Variants in NEK11 observed in about 807,000 individuals in gnomAD.
The protein encoded by NEK11 is NIMA related kinase 11.
A neutral mutation model predicts 80.7 loss-of-function variants in NEK11; 72 were observed. That is an observed-to-expected ratio of 0.89 (90% CI 0.74 to 1.08). NEK11 has a LOEUF of 1.08. NEK11 is among the 50% of genes least tolerant of loss of function. NEK11 has a pLI of 0.00. For missense variants in NEK11, 764 were observed against 763.6 expected (o/e 1.00, Z -0.01); for synonymous variants, 251 against 260.7 (o/e 0.96, Z 0.36).
intron 3 of NEK11, among the ~76,000 whole-genome samples, chr3:131,055,014 A>G (rs1348451379): frequency 1.3e-5 from 2 of 152,128 alleles, no homozygotes; most frequent in Non-Finnish European, 2.9e-5. Flanking sequence ...GACTAGCCTC[A>G]GGCAAGCAAG....
At chr3:131,184,001 A>T (rs1389955993) in intron 14 of NEK11, among the ~76,000 whole-genome samples, 1 of 151,938 alleles carries the variant, frequency 6.6e-6, no homozygotes, top group Non-Finnish European at 1.5e-5. Context: ...GTCCCTAGGA[A>T]CTCCACGATT....
chr3:131,040,427 A>G (rs2066304730), intron 3 of NEK11, among the ~76,000 whole-genome samples: 2 of 152,324 alleles, frequency 1.3e-5, no homozygotes, highest in South Asian at 4.1e-4. Context: ...GGGTATATAC[A>G]TATATCAAAA....
In NEK11 at chr3:131,101,819, T is replaced by G; in HGVS notation, c.337-7984T>G. 1.3e-5 allele frequency among the ~76,000 whole-genome samples: 2 copies of G among 152,162 alleles called. 1 individual carries two copies. Among genetic ancestry groups the G allele is most frequent in the Admixed American group, 1.3e-4 (2 of 15,274 alleles). Reference sequence around the variant, plus strand: ...GGTATGTCTAATGCTGTCAGTGGGGTACTGAAGCCTCACTGTATTACTATG... The same window carrying G: ...GGTATGTCTAATGCTGTCAGTGGGGGACTGAAGCCTCACTGTATTACTATG... On this transcript the variant is annotated intron_variant, in intron 4 of 17. Transcript: ENST00000383366.
At chr3:131,287,194 A>G (rs1241213543) in intron 17 of NEK11, among the ~76,000 whole-genome samples, 1 of 152,210 alleles carries the variant, frequency 6.6e-6, no homozygotes, top group Non-Finnish European at 1.5e-5. Context: ...TGCCTCCAGA[A>G]CAAGAGGTAA....
chr3:131,120,506 C>G (rs544627094), intron 5 of NEK11, among the ~76,000 whole-genome samples: 1 of 151,990 alleles, frequency 6.6e-6, no homozygotes, highest in Non-Finnish European at 1.5e-5. Context: ...CTGTGTTTCC[C>G]GAATTTGAAT....
chr3:131,130,009 T>C (rs1355340994), intron 5 of NEK11, among the ~76,000 whole-genome samples: 1 of 152,232 alleles, frequency 6.6e-6, no homozygotes, highest in Non-Finnish European at 1.5e-5. Context: ...TTGCATCTAT[T>C]GATCAATTTG....
chr3:131,347,182 C>T (rs1561663674), intron 17 of NEK11, among the ~76,000 whole-genome samples: 1 of 152,154 alleles, frequency 6.6e-6, no homozygotes, highest in South Asian at 2.1e-4. Flanking sequence ...CTGGTTTCTC[C>T]AGCATCTGGT....
Position 131,036,066 on chromosome 3 carries a change from C to T in NEK11, c.170+6188C>T, listed in dbSNP as rs184695602. Among the ~76,000 whole-genome samples the T allele has an allele frequency of 1.1e-4, 17 of 152,334 alleles. No individual in the cohort carries two copies. The East Asian group carries it at 3.3e-3, about 29-fold the overall frequency. On this transcript the variant is annotated intron_variant, in intron 3 of 17. Coordinates refer to ENST00000383366, the MANE Select transcript of NEK11 (RefSeq NM_024800.5). Reference sequence around the variant, plus strand: ...CCTGCCATCCAACCTGTGGTCTTTTCTGTATGCACTGACAAATATTCAGTC... The same window carrying T: ...CCTGCCATCCAACCTGTGGTCTTTTTTGTATGCACTGACAAATATTCAGTC...
intron 11 of NEK11, among the ~76,000 whole-genome samples, chr3:131,164,125 A>G (rs1426437156): frequency 6.6e-6 from 1 of 152,212 alleles, no homozygotes; most frequent in African/African-American, 2.4e-5. Flanking sequence ...TTCCCGTAAC[A>G]TTTGCTTTCT....
chr3:131,265,808 C>A (rs1325373681), intron 16 of NEK11, among the ~76,000 whole-genome samples: 1 of 152,130 alleles, frequency 6.6e-6, no homozygotes, highest in Non-Finnish European at 1.5e-5. Context: ...CTTCTTTGTA[C>A]CTCTGGTAGA....
At chr3:131,040,348 C>G (rs906795756) in intron 3 of NEK11, among the ~76,000 whole-genome samples, 4 of 150,966 alleles carry the variant, frequency 2.6e-5, no homozygotes, top group South Asian at 2.1e-4. Context: ...AAACACTAAG[C>G]CTGATGAAAT....
chr3:131,123,009 T>G (rs1055267783), intron 5 of NEK11, among the ~76,000 whole-genome samples: 1 of 152,190 alleles, frequency 6.6e-6, no homozygotes, highest in Non-Finnish European at 1.5e-5. Flanking sequence ...GTGTTGAGCT[T>G]TTTAGAAGAA....
chr3:131,308,867 G>T (rs891641131), intron 17 of NEK11, among the ~76,000 whole-genome samples: 1 of 152,122 alleles, frequency 6.6e-6, no homozygotes, highest in African/African-American at 2.4e-5. Flanking sequence ...GTGGGGGATG[G>T]TTTCAGGATG....
chr3:131,255,079 G>GGAAGGAAA (rs754645626), intron 16 of NEK11, among the ~76,000 whole-genome samples: 8 of 119,278 alleles, frequency 6.7e-5, no homozygotes, highest in African/African-American at 2.3e-4. Flanking sequence ...ACAGAAAGAA[G>GGAAGGAAA]GAAAGAAAGA....
chr3:131,324,180 A>AT (rs2096930508), intron 17 of NEK11, among the ~76,000 whole-genome samples: 1 of 152,180 alleles, frequency 6.6e-6, no homozygotes, highest in African/African-American at 2.4e-5. Flanking sequence ...TGGATAGGAA[A>AT]TTACTAAGAG....
At chr3:131,311,393 C>A (rs533605540) in intron 17 of NEK11, among the ~76,000 whole-genome samples, 2 of 152,234 alleles carry the variant, frequency 1.3e-5, no homozygotes, top group Admixed American at 6.5e-5. Context: ...ATTAACCAAC[C>A]TTTGTTCACC....
chr3:131,110,898 A>G (rs1185564083), intron 5 of NEK11, among the ~76,000 whole-genome samples: 1 of 152,170 alleles, frequency 6.6e-6, no homozygotes, highest in Non-Finnish European at 1.5e-5. Context: ...CCTCATAACA[A>G]TCTGTTGGAT....
intron 17 of NEK11, among the ~76,000 whole-genome samples, chr3:131,320,116 A>T (rs562954219): frequency 1.3e-5 from 2 of 152,238 alleles, no homozygotes; most frequent in South Asian, 4.1e-4. Flanking sequence ...TCTTATCAAA[A>T]CTGTTTTACA....
intron 17 of NEK11, among the ~76,000 whole-genome samples, chr3:131,333,729 T>G (rs1295537400): frequency 6.6e-6 from 1 of 152,174 alleles, no homozygotes; most frequent in African/African-American, 2.4e-5. Context: ...ACCCATCTCA[T>G]GTGCTGAGAC....
Sources: gnomAD v4.1 joint callset for allele counts (sites outside exome capture counted in the v4.1 genomes callset) on GRCh38, gnomAD v4.1.1 for gene constraint, MANE v1.5 for transcripts, NCBI Gene and HGNC (gene_info 2026-07-23, HGNC 2026-07-21) for gene names.